The following TOM1L1 variants were observed in gnomAD, a reference collection of about 807,000 sequenced individuals.
The protein encoded by TOM1L1 is target of myb1 like 1 membrane trafficking protein.
In TOM1L1, 64 loss-of-function variants were observed where a neutral mutation model predicts 63.4. The observed-to-expected ratio is 1.01, with a 90% confidence interval of 0.83 to 1.24. The LOEUF is 1.24. Among genes scored for constraint, TOM1L1 ranks in the 50% most tolerant of loss-of-function variants. The pLI, the probability that TOM1L1 is intolerant of heterozygous loss-of-function variation, is 0.00. For synonymous variants in TOM1L1, 166 were observed against 194.4 expected (o/e 0.85, Z 1.22); for missense variants, 536 against 567.0 (o/e 0.95, Z 0.55).
chr17:54,914,850 C>T (rs780094541), intron 6 of TOM1L1, 107 bp downstream of exon 6: 19 of 871,228 alleles, frequency 2.2e-5, no homozygotes, highest in Non-Finnish European at 2.9e-5. Context: ...TAGGTACACT[C>T]ATTTCACAGA....
Position 54,905,537 on chromosome 17 carries a change from C to A in TOM1L1, c.192C>A (p.Tyr64Ter). 1 of 1,611,136 alleles carries A rather than the reference C, an allele frequency of 6.2e-7. No individual in the cohort carries two copies. Among genetic ancestry groups the A allele is most frequent in the Non-Finnish European group, 8.5e-7 (1 of 1,178,174 alleles). ...TGAAGAAAAGGATTTCCAAAAACTA[C>A]AATCATAAAGAAATCCAACTTACCT... ...KALKKRISKN[Y>*]NHKEIQLTLS... Residue 64 changes from tyrosine to a stop codon, truncating the protein, a stop_gained, in exon 3 of 16, where the codon TAC (tyrosine) becomes TAA (stop). Transcript: ENST00000575882. LOFTEE classifies it high-confidence loss of function.
At chr17:54,954,885 T>C (rs2049415040) in intron 14 of TOM1L1, 2 of 152,222 alleles carry the variant, frequency 1.3e-5, no homozygotes, top group Admixed American at 1.3e-4. Flanking sequence ...GCAAAAAAAG[T>C]CCAATTGGAG....
chr17:54,933,988 A>G (rs1162138784), intron 8 of TOM1L1, among the ~76,000 whole-genome samples: 1 of 152,194 alleles, frequency 6.6e-6, no homozygotes, highest in Admixed American at 6.5e-5. Flanking sequence ...TGAGTCTTTG[A>G]TCAGCCTTTC....
intron 7 of TOM1L1, among the ~76,000 whole-genome samples, chr17:54,924,290 T>TA (rs2048733175): frequency 6.6e-6 from 1 of 150,694 alleles, no homozygotes; most frequent in East Asian, 1.9e-4. Flanking sequence ...TTTCTTTTTT[T>TA]TTTTTTTGAG....
In TOM1L1 at chr17:54,915,778, G is replaced by A. The variant is rs1159533823; in HGVS notation, c.636G>A (p.Val212=). Residue 212 remains valine (V), a synonymous_variant, in exon 7 of 16, where the codon GTG becomes GTA. Coordinates refer to ENST00000575882, the MANE Select transcript of TOM1L1 (RefSeq NM_005486.3). The part of the protein sequence containing the change: ...IGKLHSELDM[V]KMNVRVMSAI... The stretch of plus-strand genomic sequence containing the variant: ...AACTGCACAGTGAATTGGATATGGT[G>A]AAAATGAATGTGCGAGTGATGTCCG... The A allele has an allele frequency of 6.2e-7, 1 of 1,612,528 alleles. No individual in the cohort carries two copies. The highest frequency in any genetic ancestry group is 1.7e-5 in the Admixed American group (1 of 59,706).
intron 3 of TOM1L1, among the ~76,000 whole-genome samples, chr17:54,908,828 T>A (rs981481151): frequency 2.6e-5 from 4 of 152,228 alleles, no homozygotes; most frequent in African/African-American, 4.8e-5. Context: ...TTCCTGAGAA[T>A]CAATTAGTTA....
rs542984667 is a variant in TOM1L1 at position 54,938,947 on chromosome 17, G to GTTTAAGTTGTT, written c.1058_1059insTTAAGTTGTTT (p.Thr354Ter). 68 of 1,610,414 alleles carry GTTTAAGTTGTT rather than the reference G, an allele frequency of 4.2e-5. No homozygotes were observed. In the African/African-American group the frequency reaches 8.2e-4, roughly 19 times the overall value. Reference sequence around the variant, plus strand: ...AGATTTCAGCCTTCCAAGTTCTGATGTAACAAACAACTTAAAACCCAGTCT... The same window carrying GTTTAAGTTGTT: ...AGATTTCAGCCTTCCAAGTTCTGATGTTTAAGTTGTTTAACAAACAACTTAAAACCCAGTCT... On this transcript the variant is annotated stop_gained and frameshift_variant, in exon 11 of 16. Coordinates refer to ENST00000575882, the MANE Select transcript of TOM1L1 (RefSeq NM_005486.3). LOFTEE classifies it high-confidence loss of function.
chr17:54,940,790 C>T (rs1278276381), intron 11 of TOM1L1, among the ~76,000 whole-genome samples: 1 of 150,374 alleles, frequency 6.7e-6, no homozygotes, highest in Non-Finnish European at 1.5e-5. Flanking sequence ...AAGAATGATA[C>T]AGGAAGGAAA....
chr17:54,934,635 G>A (rs2048916768), intron 8 of TOM1L1, among the ~76,000 whole-genome samples: 1 of 152,054 alleles, frequency 6.6e-6, no homozygotes, highest in Admixed American at 6.6e-5. Context: ...TTGTCACTCA[G>A]GGCTTGATCT....
chr17:54,941,710 ATCTAATAAT>A (rs1054022718), intron 11 of TOM1L1, among the ~76,000 whole-genome samples: 1 of 152,202 alleles, frequency 6.6e-6, no homozygotes, highest in Non-Finnish European at 1.5e-5. Context: ...ACCTACTTGG[ATCTAATAAT>A]TCAGTATGCA....
At chr17:54,910,127 A>G (rs765240208) in intron 3 of TOM1L1, among the ~76,000 whole-genome samples, 9 of 152,168 alleles carry the variant, frequency 5.9e-5, no homozygotes, top group Non-Finnish European at 1.2e-4. Context: ...AGTCTTACCC[A>G]TTATCATAAA....
At chr17:54,917,841 G>A (rs2048616607) in intron 7 of TOM1L1, among the ~76,000 whole-genome samples, 1 of 152,174 alleles carries the variant, frequency 6.6e-6, no homozygotes. Context: ...TGCTGTTTGG[G>A]ATCCATTTAT....
At chr17:54,931,540 C>A (rs1387970058) in intron 8 of TOM1L1, among the ~76,000 whole-genome samples, 1 of 152,192 alleles carries the variant, frequency 6.6e-6, no homozygotes, top group Admixed American at 6.5e-5. Context: ...TGGTGCACAC[C>A]TGTAATCCCA....
intron 3 of TOM1L1, 64 bp from the exon 4 acceptor site, chr17:54,912,602 C>G: frequency 7.3e-7 from 1 of 1,369,656 alleles, no homozygotes; most frequent in South Asian, 1.7e-5. Flanking sequence ...GCAGTTTTTC[C>G]CTTACATTTT....
chr17:54,955,877 T>C (rs1326782732), intron 14 of TOM1L1, among the ~76,000 whole-genome samples: 1 of 152,154 alleles, frequency 6.6e-6, no homozygotes, highest in Non-Finnish European at 1.5e-5. Context: ...GCTTCTACTC[T>C]CCCAGAGAGG....
chr17:54,937,100 T>G lies in TOM1L1; in HGVS notation c.916-9T>G. 1 of 1,596,700 alleles carries G rather than the reference T, an allele frequency of 6.3e-7. No homozygotes were observed. Among genetic ancestry groups the G allele is most frequent in the Non-Finnish European group, 8.5e-7 (1 of 1,169,794 alleles). On this transcript the variant is annotated splice_polypyrimidine_tract_variant and intron_variant, in intron 9 of 15. Transcript: ENST00000575882. ...ATGACACTTTTTTTTTTTTTTGCTTTGTTTTCAGACTACCAGTGAGCCTTC... is the reference window on the plus strand; with the variant it reads ...ATGACACTTTTTTTTTTTTTTGCTTGGTTTTCAGACTACCAGTGAGCCTTC...
At chr17:54,920,110 G>A (rs1299007600) in intron 7 of TOM1L1, among the ~76,000 whole-genome samples, 2 of 151,858 alleles carry the variant, frequency 1.3e-5, no homozygotes, top group Non-Finnish European at 2.9e-5. Context: ...AAGGAGTCAC[G>A]TCAATACAGT....
chr17:54,947,880 T>C (rs566964933), intron 12 of TOM1L1, among the ~76,000 whole-genome samples: 110 of 152,308 alleles, frequency 7.2e-4, no homozygotes, highest in African/African-American at 2.5e-3. Context: ...CAAGTTTGTA[T>C]CTCTTGTAGC....
chr17:54,931,952 T>G, intron 8 of TOM1L1, among the ~76,000 whole-genome samples: 1 of 114,558 alleles, frequency 8.7e-6, no homozygotes, highest in Non-Finnish European at 1.8e-5. Context: ...TTTCTTCGTT[T>G]TTTTTTTGTT....
Sources: gnomAD v4.1 joint callset for allele counts (sites outside exome capture counted in the v4.1 genomes callset) on GRCh38, gnomAD v4.1.1 for gene constraint, MANE v1.5 for transcripts, NCBI Gene and HGNC (gene_info 2026-07-23, HGNC 2026-07-21) for gene names.